The following SGCZ variants were observed in gnomAD, a reference collection of about 807,000 sequenced individuals.
SGCZ encodes the protein sarcoglycan zeta.
A neutral mutation model predicts 41.3 loss-of-function variants in SGCZ; 40 were observed. The ratio of observed to expected loss-of-function variants is 0.97; its 90% CI spans 0.75 to 1.26. The LOEUF is 1.26. SGCZ is among the 50% of genes most tolerant of loss of function. The pLI, the probability that SGCZ is intolerant of heterozygous loss-of-function variation, is 0.00. For missense variants in SGCZ, 552 were observed against 369.8 expected (o/e 1.49, Z -4.04); for synonymous variants, 206 against 137.5 (o/e 1.50, Z -3.49).
chr8:14,286,330 A>G (rs1017858925), intron 3 of SGCZ, among the ~76,000 whole-genome samples: 2 of 152,106 alleles, frequency 1.3e-5, no homozygotes, highest in East Asian at 1.9e-4. Flanking sequence ...TTGTCCAACT[A>G]GCATAGTTAC....
intron 2 of SGCZ, among the ~76,000 whole-genome samples, chr8:14,350,722 C>T (rs1280358430): frequency 6.6e-6 from 1 of 152,124 alleles, no homozygotes; most frequent in Non-Finnish European, 1.5e-5. Flanking sequence ...AATGCTCCTT[C>T]TTTCCCTCTC....
At chr8:14,443,037 T>A (rs1403221588) in intron 2 of SGCZ, among the ~76,000 whole-genome samples, 1 of 152,090 alleles carries the variant, frequency 6.6e-6, no homozygotes, top group Non-Finnish European at 1.5e-5. Context: ...GAGAGCCAAA[T>A]CATGAGTGAA....
At chr8:14,662,906 C>T (rs758613136) in intron 1 of SGCZ, among the ~76,000 whole-genome samples, 3 of 152,074 alleles carry the variant, frequency 2.0e-5, no homozygotes, top group Non-Finnish European at 4.4e-5. Context: ...AGGGATGTGA[C>T]AGTCTCTAGA....
At chr8:14,452,762 T>C (rs901567006) in intron 2 of SGCZ, among the ~76,000 whole-genome samples, 6 of 151,998 alleles carry the variant, frequency 3.9e-5, no homozygotes, top group African/African-American at 1.5e-4. Flanking sequence ...CTGTTAAAAA[T>C]AAAATTAATT....
Position 15,216,211 on chromosome 8 carries a change from T to TTC in SGCZ, c.39+21372_39+21373dup, listed in dbSNP as rs1801394187. Among the ~76,000 whole-genome samples the TTC allele has an allele frequency of 4.3e-5, 3 of 69,532 alleles. No homozygotes were observed. The Admixed American group carries it at 5.0e-4, about 12-fold the overall frequency. 45.6% of individuals were successfully genotyped at this position (69,532 alleles called of 152,430 possible). ...ATGTTTTAAGTATCATTTTAGCTTA[T>TTC]TCTTTTTTTTTCTTTTTTTTTTTTT... On this transcript the variant is annotated intron_variant, in intron 1 of 7. Transcript: ENST00000382080.
At chr8:14,711,926 A>C (rs113271770) in intron 1 of SGCZ, among the ~76,000 whole-genome samples, 8,174 of 152,188 alleles carry the variant, frequency 0.054, 742 homozygotes, top group African/African-American at 0.19. Context: ...ATGTAGGCAA[A>C]CCAAAATCCA....
At chr8:14,104,245 A>G (rs1648382385) in intron 6 of SGCZ, among the ~76,000 whole-genome samples, 1 of 152,200 alleles carries the variant, frequency 6.6e-6, no homozygotes. Context: ...TCATTTGGAA[A>G]GCACTACAGC....
intron 1 of SGCZ, among the ~76,000 whole-genome samples, chr8:14,745,466 C>G (rs182782378): frequency 6.6e-6 from 1 of 152,070 alleles, no homozygotes; most frequent in East Asian, 1.9e-4. Flanking sequence ...TGCCTTAGTC[C>G]CATCTACTCT....
At chr8:14,559,546 G>T (rs1050182559) in intron 1 of SGCZ, among the ~76,000 whole-genome samples, 1 of 151,966 alleles carries the variant, frequency 6.6e-6, no homozygotes, top group Non-Finnish European at 1.5e-5. Context: ...TTGTGAAAAC[G>T]ACCATACTTC....
chr8:14,816,187 C>G (rs1801897941), intron 1 of SGCZ, among the ~76,000 whole-genome samples: 1 of 152,190 alleles, frequency 6.6e-6, no homozygotes, highest in Non-Finnish European at 1.5e-5. Flanking sequence ...CATCATCTCT[C>G]AATGCAGTCT....
At chr8:14,334,585 C>T (rs1802447085) in intron 2 of SGCZ, among the ~76,000 whole-genome samples, 1 of 152,118 alleles carries the variant, frequency 6.6e-6, no homozygotes, top group South Asian at 2.1e-4. Context: ...TGTATATCTT[C>T]TTAATTTATT....
intron 2 of SGCZ, among the ~76,000 whole-genome samples, chr8:14,357,726 A>C (rs1159288795): frequency 6.6e-6 from 1 of 152,168 alleles, no homozygotes; most frequent in Non-Finnish European, 1.5e-5. Context: ...AACGTTAGCA[A>C]ATGGGTAACA....
chr8:14,103,098 TGTCCACA>T (rs1563127941), intron 6 of SGCZ, among the ~76,000 whole-genome samples: 1 of 152,070 alleles, frequency 6.6e-6, no homozygotes, highest in Non-Finnish European at 1.5e-5. Flanking sequence ...CCCCGTGAAA[TGTCCACA>T]GAATGAGTGA....
intron 4 of SGCZ, among the ~76,000 whole-genome samples, chr8:14,181,799 T>C (rs938072195): frequency 6.6e-5 from 10 of 152,200 alleles, no homozygotes; most frequent in Admixed American, 3.9e-4. Context: ...CAGTTAAACA[T>C]CTTCCCTTTA....
At chr8:14,665,423 T>G (rs549580479) in intron 1 of SGCZ, among the ~76,000 whole-genome samples, 4 of 152,202 alleles carry the variant, frequency 2.6e-5, no homozygotes, top group Non-Finnish European at 5.9e-5. Flanking sequence ...TGTTGGACAT[T>G]TGGCTTGGTT....
intron 3 of SGCZ, among the ~76,000 whole-genome samples, chr8:14,318,058 T>C (rs1457349517): frequency 6.6e-6 from 1 of 151,940 alleles, no homozygotes; most frequent in South Asian, 2.1e-4. Context: ...GAAATAAATC[T>C]ATGTATGCTT....
At chr8:14,331,141 G>C (rs2117051207) in intron 2 of SGCZ, among the ~76,000 whole-genome samples, 1 of 151,656 alleles carries the variant, frequency 6.6e-6, no homozygotes, top group Admixed American at 6.6e-5. Flanking sequence ...TTGGAGTTTG[G>C]TATGACAAAT....
At chr8:14,327,894 C>A (rs981743412) in intron 2 of SGCZ, among the ~76,000 whole-genome samples, 1 of 152,156 alleles carries the variant, frequency 6.6e-6, no homozygotes, top group Admixed American at 6.5e-5. Context: ...GATTCTCCTG[C>A]CTCAGCCTCC....
chr8:14,794,795 C>T (rs752585607), intron 1 of SGCZ, among the ~76,000 whole-genome samples: 3 of 152,100 alleles, frequency 2.0e-5, no homozygotes, highest in Non-Finnish European at 4.4e-5. Flanking sequence ...AGGGACAAAT[C>T]TGATCATATT....
Sources: allele counts gnomAD v4.1 joint callset (sites outside exome capture counted in the v4.1 genomes callset), GRCh38; gene constraint gnomAD v4.1.1; transcripts MANE v1.5; gene names NCBI Gene and HGNC (gene_info 2026-07-23, HGNC 2026-07-21).